Variants in CUEDC1 observed in about 807,000 individuals in gnomAD.
CUEDC1 encodes the protein CUE domain containing 1.
CUEDC1 carries 30 observed loss-of-function variants against 43.7 expected under a neutral mutation model. The observed-to-expected ratio is 0.69, with a 90% CI of 0.51 to 0.93. CUEDC1 has a LOEUF of 0.93. Ranked by LOEUF, CUEDC1 falls within the 40% of genes least tolerant of loss-of-function variation. The pLI is 0.00. For missense variants in CUEDC1, 486 were observed against 549.0 expected, an observed-to-expected ratio of 0.89 and a Z score of 1.15; for synonymous variants, 223 against 223.6, an observed-to-expected ratio of 1.00 and a Z score of 0.02.
intron 1 of CUEDC1, among the ~76,000 whole-genome samples, chr17:57,920,687 A>G (rs1426576282): frequency 1.5e-5 from 2 of 133,380 alleles, no homozygotes; most frequent in Non-Finnish European, 3.1e-5. Flanking sequence ...GCTGGAGTGT[A>G]GTGGTGCAAT....
intron 1 of CUEDC1, among the ~76,000 whole-genome samples, chr17:57,938,899 T>C (rs1287003506): frequency 1.3e-5 from 2 of 150,524 alleles, no homozygotes; most frequent in Non-Finnish European, 2.9e-5. Flanking sequence ...TGACCTCAGG[T>C]GATCTGCCTG....
At chr17:57,902,683 A>ATGAT (rs2145007736) in intron 1 of CUEDC1, among the ~76,000 whole-genome samples, 1 of 152,350 alleles carries the variant, frequency 6.6e-6, no homozygotes, top group South Asian at 2.1e-4. Context: ...ACTGTCCACA[A>ATGAT]TGATTGTGCT....
At chr17:57,927,535 C>T (rs1489572379) in intron 1 of CUEDC1, among the ~76,000 whole-genome samples, 1 of 152,208 alleles carries the variant, frequency 6.6e-6, no homozygotes. Flanking sequence ...GCTCTCCATG[C>T]CTGAAGCCAA....
intron 1 of CUEDC1, among the ~76,000 whole-genome samples, chr17:57,951,770 A>G (rs1365878052): frequency 6.6e-6 from 1 of 152,144 alleles, no homozygotes; most frequent in African/African-American, 2.4e-5. Context: ...AAACATTTTT[A>G]TCTTACCAAG....
In CUEDC1 at chr17:57,862,131, T is replaced by C. The variant is rs1390918046; in HGVS notation, c.*1158A>G. On this transcript the variant is annotated 3_prime_UTR_variant, in exon 11 of 11. Transcript: ENST00000577830. ...GCCGAAGCCTCGTGCCTGCCCAGGC[T>C]TCCCGGCTCTCCGGAAGGTCTGCGC... 1.3e-5 allele frequency: 2 copies of C among 152,392 alleles called. No homozygotes were observed. The highest frequency in any genetic ancestry group is 4.8e-5 in the African/African-American group (2 of 41,588). 9.4% of individuals were successfully genotyped at this position (152,392 alleles called of 1,614,324 possible).
chr17:57,877,598 G>T (rs1469284051), intron 3 of CUEDC1, among the ~76,000 whole-genome samples: 2 of 129,668 alleles, frequency 1.5e-5, no homozygotes, highest in African/African-American at 3.1e-5. Context: ...AAAAAAGGTG[G>T]GGGTGGGGAT....
chr17:57,894,347 T>G (rs1005649110), intron 1 of CUEDC1, among the ~76,000 whole-genome samples: 2 of 152,200 alleles, frequency 1.3e-5, no homozygotes, highest in African/African-American at 2.4e-5. Context: ...GGGTGGGGCA[T>G]TCCTTTAAAA....
intron 1 of CUEDC1, among the ~76,000 whole-genome samples, chr17:57,887,851 C>A (rs1473240265): frequency 6.8e-6 from 1 of 147,696 alleles, no homozygotes; most frequent in Non-Finnish European, 1.5e-5. Flanking sequence ...TCTGTTCACA[C>A]TTTAGTGTGT....
At chr17:57,882,173 G>A (rs1327242674) in intron 2 of CUEDC1, among the ~76,000 whole-genome samples, 1 of 151,788 alleles carries the variant, frequency 6.6e-6, no homozygotes, top group Non-Finnish European at 1.5e-5. Context: ...CCATCCATCA[G>A]CCCCCAGAAA....
intron 1 of CUEDC1, among the ~76,000 whole-genome samples, chr17:57,936,106 AAGGG>A (rs1368772633): frequency 2.0e-5 from 3 of 152,194 alleles, no homozygotes; most frequent in African/African-American, 7.2e-5. Flanking sequence ...GCAAAGAGGA[AAGGG>A]AGGGTCTCTC....
At chr17:57,888,038 C>G (rs776206917) in intron 1 of CUEDC1, among the ~76,000 whole-genome samples, 9 of 151,150 alleles carry the variant, frequency 6.0e-5, no homozygotes, top group Non-Finnish European at 1.3e-4. Context: ...GTAGCTGGGA[C>G]TACAGGCACG....
chr17:57,931,164 C>G (rs7221872), intron 1 of CUEDC1, among the ~76,000 whole-genome samples: 1 of 151,982 alleles, frequency 6.6e-6, no homozygotes, highest in East Asian at 1.9e-4. Context: ...TGGCACACAC[C>G]TATAATCTCA....
At chr17:57,928,247 A>G (rs1012594394) in intron 1 of CUEDC1, among the ~76,000 whole-genome samples, 2 of 152,186 alleles carry the variant, frequency 1.3e-5, no homozygotes, top group African/African-American at 4.8e-5. Context: ...GGGACCGGAA[A>G]AAAGCTTAAG....
At chr17:57,864,221 G>A (rs2073923465) in intron 10 of CUEDC1, among the ~76,000 whole-genome samples, 1 of 152,030 alleles carries the variant, frequency 6.6e-6, no homozygotes, top group Admixed American at 6.6e-5. Context: ...AGGAGAGACT[G>A]AGTTGCTATC....
At chr17:57,872,510 C>T (rs778588168) in intron 5 of CUEDC1, among the ~76,000 whole-genome samples, 153 bp downstream of exon 5, 101 of 152,062 alleles carry the variant, frequency 6.6e-4, no homozygotes, top group Non-Finnish European at 1.2e-3. Flanking sequence ...TCTGAGGCTC[C>T]CATGGGATAA....
intron 10 of CUEDC1, among the ~76,000 whole-genome samples, chr17:57,864,115 G>C (rs1267832283): frequency 6.6e-6 from 1 of 152,062 alleles, no homozygotes; most frequent in Non-Finnish European, 1.5e-5. Context: ...GAGTAGGTAG[G>C]GGCAGTGAAG....
intron 5 of CUEDC1, 54 bp downstream of exon 5, chr17:57,872,609 C>T: frequency 1.3e-6 from 2 of 1,596,664 alleles, no homozygotes; most frequent in Non-Finnish European, 8.6e-7. Flanking sequence ...AAGGCTAAAG[C>T]CAGCATCACC....
chr17:57,946,991 T>G (rs2074965651), intron 1 of CUEDC1, among the ~76,000 whole-genome samples: 1 of 151,818 alleles, frequency 6.6e-6, no homozygotes. Flanking sequence ...TCCCTGGAGC[T>G]CACTAGCTCT....
At chr17:57,916,258 G>C (rs1302554158) in intron 1 of CUEDC1, among the ~76,000 whole-genome samples, 1 of 152,254 alleles carries the variant, frequency 6.6e-6, no homozygotes, top group East Asian at 1.9e-4. Flanking sequence ...CAGCACACTT[G>C]CTCCATCCCG....
Sources: gnomAD v4.1 joint callset for allele counts (sites outside exome capture counted in the v4.1 genomes callset) on GRCh38, gnomAD v4.1.1 for gene constraint, MANE v1.5 for transcripts, NCBI Gene and HGNC (gene_info 2026-07-23, HGNC 2026-07-21) for gene names.